The following ADD3 variants were observed in gnomAD, a reference collection of about 807,000 sequenced individuals.
ADD3 encodes the protein gamma-adducin.
ADD3 carries 25 observed loss-of-function variants against 80.2 expected under a neutral mutation model. That is an observed-to-expected ratio of 0.31 (90% CI 0.23 to 0.44). The LOEUF (loss-of-function observed/expected upper bound fraction) is 0.44, where lower values mean the gene tolerates loss of function less well. Ranked by LOEUF, ADD3 falls within the 20% of genes least tolerant of loss-of-function variation. The probability of loss-of-function intolerance (pLI) is 1.00; values close to 1 mark genes in which losing one functional copy is unlikely to be tolerated. For missense variants in ADD3, 829 were observed against 847.5 expected (o/e 0.98, Z 0.27); for synonymous variants, 284 against 289.6 (o/e 0.98, Z 0.20).
At chr10:110,123,725 T>C (rs1851800375) in intron 9 of ADD3, 1 of 295,174 alleles carries the variant, frequency 3.4e-6, no homozygotes, top group South Asian at 5.5e-5. Context: ...AGAACAGTTT[T>C]ATAGATAGAA....
chr10:110,020,756 A>G (rs1853576259), intron 1 of ADD3, among the ~76,000 whole-genome samples: 1 of 152,182 alleles, frequency 6.6e-6, no homozygotes, highest in Non-Finnish European at 1.5e-5. Flanking sequence ...GGTAGTGAGA[A>G]TTGATTGGAT....
intron 1 of ADD3, among the ~76,000 whole-genome samples, chr10:110,096,168 A>G (rs1402193729): frequency 6.6e-6 from 1 of 152,164 alleles, no homozygotes; most frequent in Admixed American, 6.5e-5. Context: ...TTTTTTTGGA[A>G]AAAAACAATA....
chr10:110,114,565 A>G (rs1482300017), intron 3 of ADD3, among the ~76,000 whole-genome samples: 1 of 152,162 alleles, frequency 6.6e-6, no homozygotes, highest in Non-Finnish European at 1.5e-5. Context: ...TATGAAGAAA[A>G]CAGTCATGAA....
rs1414617371 is a variant in ADD3, at chr10:110,133,298, A to G, written c.1829-28A>G. ...GCAAAAATGTTAAGTATGTAAAATAACCCCCAAAAAACCCTCCCCTTTCGT... is the reference window on the plus strand; with the variant it reads ...GCAAAAATGTTAAGTATGTAAAATAGCCCCCAAAAAACCCTCCCCTTTCGT... On this transcript the variant is annotated intron_variant, in intron 14 of 14. Coordinates refer to ENST00000356080, the MANE Select transcript of ADD3 (RefSeq NM_016824.5). 3 of 1,548,098 alleles carry G rather than the reference A, an allele frequency of 1.9e-6. 1 individual carries two copies. In the South Asian group the frequency reaches 3.7e-5, roughly 19 times the overall value.
At chr10:110,115,911 C>G (rs1203586555) in intron 3 of ADD3, among the ~76,000 whole-genome samples, 1 of 152,152 alleles carries the variant, frequency 6.6e-6, no homozygotes, top group East Asian at 1.9e-4. Context: ...CTGTTGAGGT[C>G]TTTTCATCAT....
intron 1 of ADD3, among the ~76,000 whole-genome samples, chr10:110,080,457 C>T (rs901302867): frequency 1.3e-5 from 2 of 152,148 alleles, no homozygotes; most frequent in Non-Finnish European, 2.9e-5. Context: ...ATTTGACCTT[C>T]CATGTGGCCT....
Position 110,118,722 on chromosome 10 carries a change from C to T in ADD3, c.703C>T (p.Leu235Phe), listed in dbSNP as rs1851091911. 6.2e-7 allele frequency: 1 copy of T among 1,613,578 alleles called. No homozygotes were observed. Among genetic ancestry groups the T allele is most frequent in the Non-Finnish European group, 8.5e-7 (1 of 1,179,720 alleles). Reference protein sequence around the residue: ...DVKCVIHIHTLATAAVSSMKC... With the variant: ...DVKCVIHIHTFATAAVSSMKC... Reference sequence around the variant, plus strand: ...TAAGTGTGTGATACACATCCATACCCTTGCAACAGCAGCTGTAAGTCAATG... The same window carrying T: ...TAAGTGTGTGATACACATCCATACCTTTGCAACAGCAGCTGTAAGTCAATG... The change falls in exon 6 of 15, where the codon CTT becomes TTT. Residue 235 changes from leucine to phenylalanine, a missense_variant. Physicochemically the swap from Leu to Phe is conservative, Grantham distance 22. Transcript: ENST00000356080.
intron 4 of ADD3, 112 bp from the exon 5 acceptor site, chr10:110,117,230 T>G (rs79771841): frequency 2.7e-5 from 14 of 515,058 alleles, no homozygotes; most frequent in African/African-American, 1.2e-4. Flanking sequence ...GCTTTGTTGG[T>G]TTTTTTTTTC....
At chr10:110,063,783 A>AC (rs1491280257) in intron 1 of ADD3, among the ~76,000 whole-genome samples, 1 of 123,338 alleles carries the variant, frequency 8.1e-6, no homozygotes, top group Non-Finnish European at 1.7e-5. Context: ...ATATATATAT[A>AC]AAGTGAACAC....
At chr10:110,013,666 GA>G (rs1472147415) in intron 1 of ADD3, among the ~76,000 whole-genome samples, 1 of 152,178 alleles carries the variant, frequency 6.6e-6, no homozygotes, top group African/African-American at 2.4e-5. Context: ...TAATATACAC[GA>G]AATTATTTTT....
At position 110,133,319 on chromosome 10, in the gene ADD3, T is replaced by A; in HGVS notation, c.1829-7T>A. 6.4e-7 allele frequency: 1 copy of A among 1,566,366 alleles called. No individual in the cohort carries two copies. The highest frequency in any genetic ancestry group is 1.2e-5 in the South Asian group (1 of 84,630). ...AATAACCCCCAAAAAACCCTCCCCT[T>A]TCGTAGAAAACCATGAGCTGTTTTC... On this transcript the variant is annotated splice_polypyrimidine_tract_variant and splice_region_variant and intron_variant, in intron 14 of 14. Transcript: ENST00000356080.
intron 1 of ADD3, among the ~76,000 whole-genome samples, chr10:110,028,286 C>T (rs1854548953): frequency 6.6e-6 from 1 of 152,170 alleles, no homozygotes; most frequent in Admixed American, 6.5e-5. Flanking sequence ...ATTAAACAAA[C>T]AGCCTGGCTG....
chr10:110,122,431 C>T (rs1263600993), intron 9 of ADD3, 139 bp downstream of exon 9: 1 of 703,342 alleles, frequency 1.4e-6, no homozygotes, highest in South Asian at 2.1e-5. Context: ...TGTTATTTAA[C>T]CACACCTTTG....
upstream of ADD3, among the ~76,000 whole-genome samples, chr10:110,001,046 C>T (rs1466372157): frequency 4.1e-4 from 62 of 152,158 alleles, 1 homozygote. Context: ...CATATGGTGT[C>T]AGGCATTAGA....
upstream of ADD3, among the ~76,000 whole-genome samples, chr10:110,003,302 G>GGGGGGTGTGTGTGTGTGTGTGTGT (rs140966434): frequency 1.4e-5 from 2 of 147,030 alleles, no homozygotes; most frequent in East Asian, 2.0e-4. Flanking sequence ...GAACAGTAAG[G>GGGGGGTGTGTGTGTGTGTGTGTGT]GTGTGTGTGT....
chr10:110,054,438 T>C (rs984851054), intron 1 of ADD3, among the ~76,000 whole-genome samples: 4 of 101,514 alleles, frequency 3.9e-5, no homozygotes, highest in African/African-American at 1.5e-4. Context: ...GCCAGTTTTC[T>C]CTTTTTTTTT....
At chr10:110,064,725 G>T (rs917438155) in intron 1 of ADD3, among the ~76,000 whole-genome samples, 7 of 151,988 alleles carry the variant, frequency 4.6e-5, no homozygotes, top group African/African-American at 1.7e-4. Context: ...ACAATACAAG[G>T]ATCTTAAAAC....
At chr10:110,040,873 G>A (rs1856226000) in intron 1 of ADD3, among the ~76,000 whole-genome samples, 1 of 152,080 alleles carries the variant, frequency 6.6e-6, no homozygotes, top group Admixed American at 6.6e-5. Context: ...CTAATTTCTG[G>A]CATGGAGAAA....
At chr10:110,098,950 C>T (rs1317617380) in intron 1 of ADD3, among the ~76,000 whole-genome samples, 2 of 152,040 alleles carry the variant, frequency 1.3e-5, no homozygotes, top group Non-Finnish European at 2.9e-5. Context: ...TTTTTTGCCT[C>T]ACTCCATCGC....
Sources: gnomAD v4.1 joint callset for allele counts (sites outside exome capture counted in the v4.1 genomes callset) on GRCh38, gnomAD v4.1.1 for gene constraint, MANE v1.5 for transcripts, NCBI Gene and HGNC (gene_info 2026-07-23, HGNC 2026-07-21) for gene names.